KIAA1217: variants seen among roughly 807,000 people sequenced by gnomAD.
KIAA1217 encodes the protein sickle tail protein homolog.
A neutral mutation model predicts 163.9 loss-of-function variants in KIAA1217; 88 were observed. The ratio of observed to expected loss-of-function variants is 0.54; its 90% confidence interval spans 0.45 to 0.64. The LOEUF (loss-of-function observed/expected upper bound fraction) is 0.64. KIAA1217 is among the 30% of genes least tolerant of loss of function. KIAA1217 has a pLI of 0.00. For missense variants in KIAA1217, 2,372 were observed against 2,475.0 expected (o/e 0.96, Z 0.88); for synonymous variants, 903 against 923.1 (o/e 0.98, Z 0.39).
intron 1 of KIAA1217, among the ~76,000 whole-genome samples, chr10:23,853,408 C>T (rs564589734): frequency 9.9e-5 from 15 of 152,156 alleles, no homozygotes; most frequent in African/African-American, 3.1e-4. Context: ...CTGCTGGATT[C>T]GGTTTGTCAG....
chr10:23,967,898 AAT>A (rs1491424109), intron 1 of KIAA1217, among the ~76,000 whole-genome samples: 2 of 104,560 alleles, frequency 1.9e-5, no homozygotes, highest in Non-Finnish European at 3.8e-5. Context: ...TAATATATTA[AAT>A]GTGTGTGTGT....
At chr10:24,144,135 C>T (rs1379462498) in intron 2 of KIAA1217, among the ~76,000 whole-genome samples, 1 of 152,204 alleles carries the variant, frequency 6.6e-6, no homozygotes, top group African/African-American at 2.4e-5. Flanking sequence ...AGTTTTATTA[C>T]AAGAATGATT....
intron 2 of KIAA1217, among the ~76,000 whole-genome samples, chr10:24,017,526 A>C (rs1847539340): frequency 6.6e-6 from 1 of 152,156 alleles, no homozygotes; most frequent in South Asian, 2.1e-4. Flanking sequence ...AAATGCAAAT[A>C]AACCTGAAAA....
intron 2 of KIAA1217, among the ~76,000 whole-genome samples, chr10:24,199,853 A>G (rs2067167087): frequency 6.6e-6 from 1 of 151,480 alleles, no homozygotes; most frequent in South Asian, 2.1e-4. Flanking sequence ...ACCTTGGGTT[A>G]TTATTTATAT....
chr10:24,257,505 C>G (rs981641368), intron 2 of KIAA1217, among the ~76,000 whole-genome samples: 40 of 152,098 alleles, frequency 2.6e-4, no homozygotes, highest in African/African-American at 8.9e-4. Flanking sequence ...TTCCCTCATC[C>G]CATCCCAGGA....
At chr10:24,129,406 A>C (rs1442934925) in intron 2 of KIAA1217, among the ~76,000 whole-genome samples, 1 of 152,178 alleles carries the variant, frequency 6.6e-6, no homozygotes, top group Non-Finnish European at 1.5e-5. Flanking sequence ...GTTTGAAAGG[A>C]CACTTGTAGG....
intron 1 of KIAA1217, among the ~76,000 whole-genome samples, chr10:23,931,658 G>T (rs1325395862): frequency 6.6e-6 from 1 of 152,152 alleles, no homozygotes; most frequent in Non-Finnish European, 1.5e-5. Context: ...TGACCCAAAA[G>T]TGTCTGGTTA....
intron 1 of KIAA1217, among the ~76,000 whole-genome samples, chr10:23,910,124 G>A (rs1319102553): frequency 6.6e-6 from 1 of 151,792 alleles, no homozygotes; most frequent in Admixed American, 6.6e-5. Context: ...ACAGGGAGGG[G>A]AACATCACAC....
At chr10:24,295,543 G>C (rs1347338657) in intron 2 of KIAA1217, among the ~76,000 whole-genome samples, 2 of 152,094 alleles carry the variant, frequency 1.3e-5, no homozygotes, top group Non-Finnish European at 2.9e-5. Flanking sequence ...TCTGAGGACA[G>C]TTGTCATAAA....
At chr10:24,220,857 C>T (rs959288898) in intron 2 of KIAA1217, among the ~76,000 whole-genome samples, 7 of 149,332 alleles carry the variant, frequency 4.7e-5, no homozygotes, top group African/African-American at 1.7e-4. Flanking sequence ...AAATCCTGCA[C>T]TCAAGATCCT....
At chr10:24,246,586 C>T (rs148807876) in intron 2 of KIAA1217, among the ~76,000 whole-genome samples, 2 of 152,142 alleles carry the variant, frequency 1.3e-5, no homozygotes, top group South Asian at 2.1e-4. Flanking sequence ...GAACACATAA[C>T]CAAGTTATAT....
chr10:24,017,045 T>G (rs1004106685), intron 2 of KIAA1217, among the ~76,000 whole-genome samples: 3 of 150,942 alleles, frequency 2.0e-5, no homozygotes, highest in Non-Finnish European at 4.4e-5. Context: ...TTTTTGTTTT[T>G]TTTTTTTTTT....
intron 1 of KIAA1217, among the ~76,000 whole-genome samples, chr10:23,748,648 C>A (rs1284999084): frequency 4.6e-5 from 7 of 151,836 alleles, no homozygotes; most frequent in African/African-American, 1.7e-4. Context: ...TGCTTATTTG[C>A]CTGCAACCTG....
intron 2 of KIAA1217, among the ~76,000 whole-genome samples, chr10:24,129,734 A>G (rs1358544962): frequency 1.3e-5 from 2 of 152,134 alleles, no homozygotes; most frequent in African/African-American, 4.8e-5. Context: ...CCTCTTACCC[A>G]TTCCTAGAAA....
At chr10:24,442,108 T>TA (rs1369198852) in intron 5 of KIAA1217, among the ~76,000 whole-genome samples, 1 of 152,200 alleles carries the variant, frequency 6.6e-6, no homozygotes, top group Admixed American at 6.5e-5. Context: ...TATAGACAAT[T>TA]ACCAGATTGG....
At chr10:24,364,077 C>G (rs1431917723) in intron 2 of KIAA1217, among the ~76,000 whole-genome samples, 1 of 151,624 alleles carries the variant, frequency 6.6e-6, no homozygotes, top group East Asian at 1.9e-4. Context: ...CTCCCAGGTT[C>G]AAGTCATTCT....
chr10:23,842,434 C>T (rs1838831857), intron 1 of KIAA1217, among the ~76,000 whole-genome samples: 2 of 152,248 alleles, frequency 1.3e-5, no homozygotes, highest in South Asian at 2.1e-4. Context: ...GTCTTCAAAA[C>T]AGGTGGTGGT....
chr10:24,255,257 G>A, intron 2 of KIAA1217: 1 of 275,522 alleles, frequency 3.6e-6, no homozygotes, highest in South Asian at 3.2e-5. Context: ...GTCCACATCC[G>A]GATTTACCTA....
rs532812528 is a variant in KIAA1217 at position 24,281,823 on chromosome 10, G to A, written c.354+61914G>A. On this transcript the variant is annotated intron_variant, in intron 2 of 20. Coordinates refer to ENST00000376454, the MANE Select transcript of KIAA1217 (RefSeq NM_019590.5). ...CGCCTGTAATCCCAGCACTTTGGGAGACCAAGACAGGCAGATCATGAGGTC... is the reference window on the plus strand; with the variant it reads ...CGCCTGTAATCCCAGCACTTTGGGAAACCAAGACAGGCAGATCATGAGGTC... Among the ~76,000 whole-genome samples the A allele has an allele frequency of 7.9e-5, 12 of 152,300 alleles. No individual in the cohort carries two copies. In the South Asian group the frequency reaches 2.5e-3, roughly 32 times the overall value.
Sources: gnomAD v4.1 joint callset for allele counts (sites outside exome capture counted in the v4.1 genomes callset) on GRCh38, gnomAD v4.1.1 for gene constraint, MANE v1.5 for transcripts, NCBI Gene and HGNC (gene_info 2026-07-23, HGNC 2026-07-21) for gene names.